Variants in ASIC2 observed in about 807,000 individuals in gnomAD.
The protein encoded by ASIC2 is acid-sensing ion channel 2.
In ASIC2, 25 loss-of-function variants were observed where a neutral mutation model predicts 57.3. That is an observed-to-expected ratio of 0.44 (90% CI 0.32 to 0.61). ASIC2 has a LOEUF of 0.61. Among genes scored for constraint, ASIC2 ranks in the 20% least tolerant of loss-of-function variants. The probability of loss-of-function intolerance (pLI) is 0.06; values close to 1 mark genes in which losing one functional copy is unlikely to be tolerated. For missense variants in ASIC2, 641 were observed against 738.1 expected, an observed-to-expected ratio of 0.87 and a Z score of 1.52; for synonymous variants, 319 against 307.5, an observed-to-expected ratio of 1.04 and a Z score of -0.39.
chr17:33,482,667 A>G lies in ASIC2; in HGVS notation c.556-370600T>C, dbSNP rs532696077. On this transcript the variant is annotated intron_variant, in intron 1 of 9. Transcript: ENST00000359872. Reference sequence around the variant, plus strand: ...TGACTTGTCCAAGGTCACACAGTGAATAGACACTGGGTCTAGGACTTGAAC... The same window carrying G: ...TGACTTGTCCAAGGTCACACAGTGAGTAGACACTGGGTCTAGGACTTGAAC... Among the ~76,000 whole-genome samples, 26 of 152,316 alleles carry G rather than the reference A, an allele frequency of 1.7e-4. No homozygotes were observed. The Middle Eastern group carries it at 0.01, about 60-fold the overall frequency.
At chr17:33,502,146 G>A (rs2141942612) in intron 1 of ASIC2, among the ~76,000 whole-genome samples, 1 of 152,248 alleles carries the variant, frequency 6.6e-6, no homozygotes, top group Non-Finnish European at 1.5e-5. Context: ...GGGCAAGGTA[G>A]GGCTATGACT....
At chr17:33,495,751 TG>T (rs778351032) in intron 1 of ASIC2, among the ~76,000 whole-genome samples, 1 of 152,076 alleles carries the variant, frequency 6.6e-6, no homozygotes, top group Non-Finnish European at 1.5e-5. Flanking sequence ...CTGTGAACTG[TG>T]GGGAGGCCTG....
At chr17:33,315,921 C>T (rs1438976584) in intron 1 of ASIC2, among the ~76,000 whole-genome samples, 4 of 152,138 alleles carry the variant, frequency 2.6e-5, no homozygotes, top group Non-Finnish European at 5.9e-5. Context: ...CTTGTGAATC[C>T]ATTGACTCTC....
chr17:33,158,825 G>A (rs1340870694), intron 1 of ASIC2, among the ~76,000 whole-genome samples: 4 of 152,210 alleles, frequency 2.6e-5, no homozygotes, highest in Non-Finnish European at 5.9e-5. Context: ...ACAGGCATGC[G>A]TTAGCATTCA....
chr17:33,605,658 G>T (rs1597805050), intron 1 of ASIC2, among the ~76,000 whole-genome samples: 1 of 152,094 alleles, frequency 6.6e-6, no homozygotes, highest in African/African-American at 2.4e-5. Flanking sequence ...GTATACTATT[G>T]CTCTGCATGA....
intron 1 of ASIC2, among the ~76,000 whole-genome samples, chr17:33,992,677 G>A (rs915954266): frequency 4.6e-5 from 7 of 152,154 alleles, no homozygotes; most frequent in Admixed American, 1.3e-4. Flanking sequence ...CAGTCATGGT[G>A]GGGATATTTA....
chr17:33,428,861 AC>A (rs1911306684), intron 1 of ASIC2, among the ~76,000 whole-genome samples: 1 of 151,756 alleles, frequency 6.6e-6, no homozygotes, highest in African/African-American at 2.4e-5. Flanking sequence ...GATTCTGAAA[AC>A]CTTTGTCTGT....
intron 1 of ASIC2, among the ~76,000 whole-genome samples, chr17:33,610,437 G>A (rs375513030): frequency 2.0e-5 from 3 of 152,248 alleles, no homozygotes; most frequent in Non-Finnish European, 2.9e-5. Flanking sequence ...AATTACAAGC[G>A]TGAGGCACCA....
At chr17:33,817,743 T>C (rs1912629423) in intron 1 of ASIC2, among the ~76,000 whole-genome samples, 1 of 152,168 alleles carries the variant, frequency 6.6e-6, no homozygotes, top group Non-Finnish European at 1.5e-5. Flanking sequence ...TATTAAAATA[T>C]TTATTTTCCT....
chr17:33,060,441 T>C (rs987138402), intron 3 of ASIC2, among the ~76,000 whole-genome samples: 1 of 152,204 alleles, frequency 6.6e-6, no homozygotes, highest in African/African-American at 2.4e-5. Flanking sequence ...TTTTTTGTTT[T>C]TGTAAGGTTT....
At chr17:33,196,167 T>G (rs1052145843) in intron 1 of ASIC2, among the ~76,000 whole-genome samples, 1 of 152,246 alleles carries the variant, frequency 6.6e-6, no homozygotes, top group East Asian at 1.9e-4. Context: ...TAAAATTCCT[T>G]GTTAGCCCTA....
chr17:33,453,935 C>A (rs796983690), intron 1 of ASIC2, among the ~76,000 whole-genome samples: 58 of 152,240 alleles, frequency 3.8e-4, no homozygotes, highest in African/African-American at 1.4e-3. Flanking sequence ...TTCTGAAGTT[C>A]ATTTATATTG....
At chr17:33,997,056 A>G (rs1020566994) in intron 1 of ASIC2, among the ~76,000 whole-genome samples, 15 of 152,146 alleles carry the variant, frequency 9.9e-5, no homozygotes, top group African/African-American at 3.1e-4. Flanking sequence ...TATGTGCAAA[A>G]ATCTTTCATC....
intron 1 of ASIC2, among the ~76,000 whole-genome samples, chr17:33,312,643 A>G (rs1267836354): frequency 1.3e-5 from 2 of 152,292 alleles, no homozygotes; most frequent in Admixed American, 1.3e-4. Flanking sequence ...ACCAAGAAAG[A>G]GTCAGTGTGG....
At chr17:33,213,802 T>C (rs1219598936) in intron 1 of ASIC2, among the ~76,000 whole-genome samples, 1 of 152,132 alleles carries the variant, frequency 6.6e-6, no homozygotes, top group African/African-American at 2.4e-5. Context: ...CATCAGAAGG[T>C]TGACGCAAGG....
intron 1 of ASIC2, among the ~76,000 whole-genome samples, chr17:33,531,136 CAGGCCTCGATCAGTAGAA>C (rs1915038391): frequency 6.6e-6 from 1 of 151,942 alleles, no homozygotes. Context: ...CTCTGTGATT[CAGGCCTCGATCAGTAGAA>C]AGAGTTTACA....
In ASIC2 at chr17:34,029,930, G is replaced by A. The variant is rs117723755; in HGVS notation, c.555+126048C>T. Among the ~76,000 whole-genome samples the A allele has an allele frequency of 2.9e-4, 44 of 152,258 alleles. No individual in the cohort carries two copies. In the East Asian group the frequency reaches 5.4e-3, roughly 19 times the overall value. On this transcript the variant is annotated intron_variant, in intron 1 of 9. Transcript: ENST00000359872. ...ATCACCCCATTTTCAAGACACAACA[G>A]CAAAGGCCCAGAGGAATTGAATTCA... is the stretch of plus-strand genomic sequence containing the variant.
intron 1 of ASIC2, among the ~76,000 whole-genome samples, chr17:33,300,016 G>C (rs1296600246): frequency 6.6e-6 from 1 of 152,180 alleles, no homozygotes; most frequent in Non-Finnish European, 1.5e-5. Flanking sequence ...CTCACCCTAT[G>C]AGAGGATCTT....
chr17:33,642,611 C>A (rs1396874192), intron 1 of ASIC2, among the ~76,000 whole-genome samples: 1 of 152,194 alleles, frequency 6.6e-6, no homozygotes, highest in African/African-American at 2.4e-5. Context: ...CGTCCATCAA[C>A]CTTCTATCCT....
Sources: gnomAD v4.1 joint callset for allele counts (sites outside exome capture counted in the v4.1 genomes callset) on GRCh38, gnomAD v4.1.1 for gene constraint, MANE v1.5 for transcripts, NCBI Gene and HGNC (gene_info 2026-07-23, HGNC 2026-07-21) for gene names.